WDPCP: variants seen among roughly 807,000 people sequenced by gnomAD.
WDPCP encodes the protein WD repeat containing planar cell polarity effector.
Under a neutral mutation model 93.1 loss-of-function variants are expected in WDPCP, and 71 were observed. The observed-to-expected ratio is 0.76, with a 90% CI of 0.63 to 0.93. The LOEUF (loss-of-function observed/expected upper bound fraction) is 0.93. WDPCP is among the 40% of genes least tolerant of loss of function. WDPCP has a pLI of 0.00. For synonymous variants in WDPCP, 315 were observed against 315.0 expected (o/e 1.00, Z 0.00); for missense variants, 844 against 887.4 (o/e 0.95, Z 0.62).
intron 2 of WDPCP, among the ~76,000 whole-genome samples, chr2:63,738,185 T>C (rs1238099105): frequency 1.3e-5 from 2 of 152,146 alleles, no homozygotes; most frequent in African/African-American, 2.4e-5. Context: ...GTTTTATTCA[T>C]TTCTATTACT....
chr2:63,816,266 T>C (rs914128638), intron 1 of WDPCP, among the ~76,000 whole-genome samples: 5 of 152,152 alleles, frequency 3.3e-5, no homozygotes, highest in Non-Finnish European at 4.4e-5. Flanking sequence ...TTATTTATAA[T>C]AACAACAAAA....
intron 2 of WDPCP, among the ~76,000 whole-genome samples, chr2:63,687,052 T>C (rs567634951): frequency 3.9e-4 from 60 of 152,220 alleles, no homozygotes; most frequent in African/African-American, 1.3e-3. Flanking sequence ...TAAAATACAC[T>C]AACACTAATG....
intron 14 of WDPCP, among the ~76,000 whole-genome samples, chr2:63,180,358 G>C (rs967461743): frequency 2.6e-5 from 4 of 152,052 alleles, no homozygotes; most frequent in African/African-American, 7.2e-5. Context: ...CTACACTACT[G>C]AATCTCCAGT....
intron 2 of WDPCP, among the ~76,000 whole-genome samples, chr2:63,734,231 G>A (rs1669605309): frequency 6.6e-6 from 1 of 151,860 alleles, no homozygotes; most frequent in South Asian, 2.1e-4. Context: ...CATTCAACTA[G>A]ACAAATTCCA....
upstream of WDPCP, chr2:63,588,835 GTGT>G (rs1709069873): frequency 3.5e-5 from 22 of 623,158 alleles, no homozygotes; most frequent in Admixed American, 6.2e-4. Flanking sequence ...GTATCGGGAA[GTGT>G]AGTTCAACAC....
Position 63,778,829 on chromosome 2 carries a change from C to T in WDPCP, n.308+34793G>A, listed in dbSNP as rs573025937. ...CATCCTCTATATAATATTGCCAGTC[C>T]GAAATTTTTGTTCAAGCTTTACTTT... On this transcript the variant is annotated intron_variant and non_coding_transcript_variant, in intron 2 of 4. Transcript: ENST00000467687. Among the ~76,000 whole-genome samples, 13 of 152,078 alleles carry T rather than the reference C, an allele frequency of 8.5e-5. No individual in the cohort carries two copies. In the East Asian group the frequency reaches 1.4e-3, roughly 16 times the overall value.
At chr2:63,614,642 C>A (rs1709653758) in intron 3 of WDPCP, among the ~76,000 whole-genome samples, 1 of 152,150 alleles carries the variant, frequency 6.6e-6, no homozygotes. Context: ...TTCCTCTTCC[C>A]CAAGGTGACT....
At chr2:63,708,346 C>T (rs1257288387) in intron 2 of WDPCP, among the ~76,000 whole-genome samples, 2 of 152,228 alleles carry the variant, frequency 1.3e-5, no homozygotes, top group Non-Finnish European at 1.5e-5. Flanking sequence ...CTCCCCCAGC[C>T]TCGCTGCTGC....
chr2:63,313,607 A>G (rs1320430191), intron 12 of WDPCP, among the ~76,000 whole-genome samples: 1 of 152,050 alleles, frequency 6.6e-6, no homozygotes, highest in Non-Finnish European at 1.5e-5. Flanking sequence ...TCTTCTTGTT[A>G]GTACCTCCTA....
At chr2:63,396,843 G>A (rs1038270758) in intron 10 of WDPCP, among the ~76,000 whole-genome samples, 17 of 152,056 alleles carry the variant, frequency 1.1e-4, no homozygotes, top group African/African-American at 4.1e-4. Context: ...AGACCCCAGT[G>A]TTTGCTGTTC....
At chr2:63,653,952 A>G (rs1710137531) in intron 2 of WDPCP, among the ~76,000 whole-genome samples, 1 of 152,080 alleles carries the variant, frequency 6.6e-6, no homozygotes, top group Admixed American at 6.5e-5. Context: ...GACACAAGAA[A>G]GTGTGGCTCA....
intron 2 of WDPCP, among the ~76,000 whole-genome samples, chr2:63,807,058 A>G (rs1158212234): frequency 2.6e-5 from 4 of 152,228 alleles, no homozygotes; most frequent in Non-Finnish European, 5.9e-5. Flanking sequence ...TGTCCATGAA[A>G]TCTGTACAAT....
intron 1 of WDPCP, among the ~76,000 whole-genome samples, chr2:63,523,635 G>C (rs1703101256): frequency 6.6e-6 from 1 of 152,206 alleles, no homozygotes; most frequent in Non-Finnish European, 1.5e-5. Context: ...CAACAGGCTG[G>C]GCGCAGTGGC....
At chr2:63,187,775 A>C (rs1442898909) in intron 14 of WDPCP, among the ~76,000 whole-genome samples, 1 of 152,192 alleles carries the variant, frequency 6.6e-6, no homozygotes, top group Non-Finnish European at 1.5e-5. Flanking sequence ...ATAGGATTCT[A>C]TATTTATTTA....
intron 2 of WDPCP, among the ~76,000 whole-genome samples, chr2:63,755,607 T>C (rs1390682802): frequency 6.6e-6 from 1 of 152,218 alleles, no homozygotes; most frequent in Non-Finnish European, 1.5e-5. Flanking sequence ...GCTTAAATTT[T>C]TTTTCTGATT....
chr2:63,411,642 CAAGAA>C (rs1273658979), intron 9 of WDPCP, among the ~76,000 whole-genome samples: 2 of 151,842 alleles, frequency 1.3e-5, no homozygotes, highest in African/African-American at 4.8e-5. Context: ...CAAGATTAAC[CAAGAA>C]AAGAAGAGAG....
intron 3 of WDPCP, among the ~76,000 whole-genome samples, chr2:63,626,174 T>C (rs1363800932): frequency 6.6e-6 from 1 of 152,178 alleles, no homozygotes; most frequent in Non-Finnish European, 1.5e-5. Context: ...TTACACCTTA[T>C]ACAAAAATTA....
chr2:63,606,147 C>A, intron 3 of WDPCP: 2 of 937,528 alleles, frequency 2.1e-6, no homozygotes, highest in Non-Finnish European at 3.4e-6. Flanking sequence ...TTTGGAAGGG[C>A]AAGGTGGCAA....
At chr2:63,237,662 T>G (rs1237956315) in intron 14 of WDPCP, among the ~76,000 whole-genome samples, 2 of 152,058 alleles carry the variant, frequency 1.3e-5, no homozygotes, top group African/African-American at 2.4e-5. Flanking sequence ...AAGAATGAAA[T>G]CATGTCCTTT....
Sources: allele counts gnomAD v4.1 joint callset (sites outside exome capture counted in the v4.1 genomes callset), GRCh38; gene constraint gnomAD v4.1.1; transcripts MANE v1.5; gene names NCBI Gene and HGNC (gene_info 2026-07-23, HGNC 2026-07-21).